The following PKP4 variants were observed in gnomAD, a reference collection of about 807,000 sequenced individuals.
The protein encoded by PKP4 is plakophilin 4.
PKP4 carries 90 observed loss-of-function variants against 145.1 expected under a neutral mutation model. The observed-to-expected ratio is 0.62, with a 90% CI of 0.52 to 0.74. The LOEUF is 0.74. Among genes scored for constraint, PKP4 ranks in the 30% least tolerant of loss-of-function variants. The pLI is 0.00. For synonymous variants in PKP4, 563 were observed against 577.2 expected, an observed-to-expected ratio of 0.98 and a Z score of 0.35; for missense variants, 1,340 against 1,482.7, an observed-to-expected ratio of 0.90 and a Z score of 1.58.
At chr2:158,590,893 T>G (rs987047407) in intron 3 of PKP4, among the ~76,000 whole-genome samples, 3 of 152,130 alleles carry the variant, frequency 2.0e-5, no homozygotes, top group Non-Finnish European at 4.4e-5. Flanking sequence ...ATCTATCTTA[T>G]GTTAATATCA....
At chr2:158,671,774 G>A (rs2057581054) in intron 17 of PKP4, among the ~76,000 whole-genome samples, 2 of 152,392 alleles carry the variant, frequency 1.3e-5, no homozygotes, top group South Asian at 2.1e-4. Context: ...AACGCGTGGA[G>A]CGTGGTGGGT....
intron 2 of PKP4, among the ~76,000 whole-genome samples, chr2:158,538,161 C>T (rs1322119972): frequency 6.6e-6 from 1 of 152,210 alleles, no homozygotes; most frequent in Non-Finnish European, 1.5e-5. Flanking sequence ...ACATTCGCTG[C>T]TTATCCAGAG....
In PKP4 at chr2:158,641,724, A is replaced by T. The variant is rs139023561; in HGVS notation, c.1696-762A>T. On this transcript the variant is annotated intron_variant, in intron 10 of 21. Coordinates refer to ENST00000389759, the MANE Select transcript of PKP4 (RefSeq NM_003628.6). ...ACTCAAATAATGTACTAATGAATTG[A>T]CAAATGGAAGAAAATTTAAGGAGAG... Among the ~76,000 whole-genome samples, 1,221 of 152,348 alleles carry T rather than the reference A, an allele frequency of 8.0e-3. 8 individuals carry two copies. Among genetic ancestry groups the T allele is most frequent in the South Asian group, 0.013 (65 of 4,828 alleles).
intron 3 of PKP4, among the ~76,000 whole-genome samples, chr2:158,577,992 C>T (rs554835806): frequency 1.8e-4 from 27 of 152,218 alleles, no homozygotes; most frequent in African/African-American, 6.5e-4. Context: ...ATAGTTAAAT[C>T]ACTGCTTATC....
At chr2:158,576,105 G>A (rs2047825299) in intron 2 of PKP4, among the ~76,000 whole-genome samples, 1 of 152,182 alleles carries the variant, frequency 6.6e-6, no homozygotes, top group South Asian at 2.1e-4. Context: ...AAGATGGTAA[G>A]GAGTTTAGGG....
rs566771173 is a variant in PKP4, at chr2:158,492,571, G to T, written c.-6+35353G>T. Among the ~76,000 whole-genome samples, 205 of 150,536 alleles carry T rather than the reference G, an allele frequency of 1.4e-3. 10 individuals are homozygous for T. The South Asian group carries it at 0.043, about 32-fold the overall frequency. On this transcript the variant is annotated intron_variant, in intron 1 of 21. Transcript: ENST00000389759. ...TGCTTCCCCTCCTGCCACCCTGCCC[G>T]GGCTTTGCTCCTGAGGATACTCTTC...
rs189341442 is a variant in PKP4 at position 158,547,086 on chromosome 2, G to A, written c.132+13770G>A. ...GGGCCATGGGGGGGCAGTGGTAAGTGTAAGATGGCACAACCATGTTGGAAA... is the reference window on the plus strand; with the variant it reads ...GGGCCATGGGGGGGCAGTGGTAAGTATAAGATGGCACAACCATGTTGGAAA... On this transcript the variant is annotated intron_variant, in intron 2 of 21. Coordinates refer to ENST00000389759, the MANE Select transcript of PKP4 (RefSeq NM_003628.6). Among the ~76,000 whole-genome samples the A allele has an allele frequency of 6.3e-4, 96 of 152,246 alleles. 1 individual carries two copies. The Middle Eastern group carries it at 0.02, about 32-fold the overall frequency.
intron 2 of PKP4, among the ~76,000 whole-genome samples, chr2:158,540,263 C>G (rs1005608644): frequency 1.2e-4 from 18 of 152,182 alleles, no homozygotes. Context: ...GTTTGAAAGA[C>G]TGTTCTATGA....
At chr2:158,594,462 C>T (rs1021676830) in intron 3 of PKP4, among the ~76,000 whole-genome samples, 1 of 152,190 alleles carries the variant, frequency 6.6e-6, no homozygotes, top group East Asian at 1.9e-4. Flanking sequence ...CACCTGTTGT[C>T]ACATTTTCAC....
At chr2:158,544,695 T>A (rs1559301927) in intron 2 of PKP4, among the ~76,000 whole-genome samples, 1 of 152,194 alleles carries the variant, frequency 6.6e-6, no homozygotes, top group African/African-American at 2.4e-5. Context: ...TGTCATTCAG[T>A]TGTCTCTTCA....
At chr2:158,590,312 A>AGTGTGTGTGTGTGTGT (rs57003090) in intron 3 of PKP4, among the ~76,000 whole-genome samples, 7 of 124,214 alleles carry the variant, frequency 5.6e-5, no homozygotes, top group Non-Finnish European at 1.0e-4. Flanking sequence ...GAATGTCTTG[A>AGTGTGTGTGTGTGTGT]GTGTGTGTGT....
At chr2:158,564,308 A>G (rs943060458) in intron 2 of PKP4, among the ~76,000 whole-genome samples, 1 of 152,082 alleles carries the variant, frequency 6.6e-6, no homozygotes, top group African/African-American at 2.4e-5. Flanking sequence ...TTTTAACATA[A>G]TCATATATAA....
intron 1 of PKP4, among the ~76,000 whole-genome samples, chr2:158,511,098 C>T (rs958507910): frequency 6.6e-5 from 10 of 152,154 alleles, no homozygotes; most frequent in Non-Finnish European, 1.3e-4. Flanking sequence ...CCGAAACTCA[C>T]GTCAGGGGCT....
At chr2:158,618,091 G>A (rs1192038419) in intron 4 of PKP4, among the ~76,000 whole-genome samples, 8 of 152,266 alleles carry the variant, frequency 5.3e-5, no homozygotes, top group East Asian at 1.9e-4. Context: ...GCTGAGGCAC[G>A]AGAATCACTT....
At position 158,584,563 on chromosome 2, in the gene PKP4, T is replaced by C. The variant is rs186032694; in HGVS notation, c.245+7180T>C. On this transcript the variant is annotated intron_variant, in intron 3 of 21. Transcript: ENST00000389759. ...TAGGCCAGGCACAGTGGCTCATGCC[T>C]TTAGTCCTAGCACTTTGGGAGTCCT... is the stretch of plus-strand genomic sequence containing the variant. Among the ~76,000 whole-genome samples the C allele has an allele frequency of 2.5e-3, 381 of 152,316 alleles. 1 individual carries two copies. The highest frequency in any genetic ancestry group is 2.5e-3 in the Non-Finnish European group (171 of 68,026).
intron 1 of PKP4, 110 bp from the exon 2 acceptor site, chr2:158,533,070 A>G: frequency 9.2e-7 from 1 of 1,092,794 alleles, no homozygotes; most frequent in Non-Finnish European, 1.3e-6. Context: ...GTTTTTGATC[A>G]TGGTGTGTAG....
At chr2:158,475,402 GAC>G (rs1334414095) in intron 1 of PKP4, among the ~76,000 whole-genome samples, 3 of 152,226 alleles carry the variant, frequency 2.0e-5, no homozygotes, top group East Asian at 3.9e-4. Context: ...CAGTGTTTTA[GAC>G]ACAGAGGTTT....
chr2:158,526,377 C>A (rs1421669231), intron 1 of PKP4, among the ~76,000 whole-genome samples: 1 of 98,868 alleles, frequency 1.0e-5, no homozygotes, highest in East Asian at 2.8e-4. Context: ...GAGCCAAAGA[C>A]AAAAACCACA....
chr2:158,663,937 G>A (rs913869807), intron 15 of PKP4, among the ~76,000 whole-genome samples: 6 of 152,238 alleles, frequency 3.9e-5, no homozygotes, highest in African/African-American at 1.2e-4. Context: ...GTCTTGTGGT[G>A]CAGAGAAGAC....
Sources: allele counts gnomAD v4.1 joint callset (sites outside exome capture counted in the v4.1 genomes callset), GRCh38; gene constraint gnomAD v4.1.1; transcripts MANE v1.5; gene names NCBI Gene and HGNC (gene_info 2026-07-23, HGNC 2026-07-21).